MYLK: variants seen among roughly 807,000 people sequenced by gnomAD.
The protein encoded by MYLK is myosin light chain kinase, smooth muscle.
Under a neutral mutation model 203.4 loss-of-function variants are expected in MYLK, and 106 were observed. That is an observed-to-expected ratio of 0.52 (90% confidence interval 0.45 to 0.61). MYLK has a LOEUF of 0.61. MYLK is among the 20% of genes least tolerant of loss of function. The pLI, the probability that MYLK is intolerant of heterozygous loss-of-function variation, is 0.00. For synonymous variants in MYLK, 867 were observed against 959.5 expected (o/e 0.90, Z 1.78); for missense variants, 2,072 against 2,442.3 (o/e 0.85, Z 3.20).
intron 20 of MYLK, among the ~76,000 whole-genome samples, chr3:123,675,266 C>T (rs2060036302): frequency 6.6e-6 from 1 of 152,202 alleles, no homozygotes; most frequent in South Asian, 2.1e-4. Context: ...TGAATCAAAG[C>T]ATTGGATCTG....
chr3:123,618,426 G>A (rs2057638897), intron 33 of MYLK: 1 of 577,772 alleles, frequency 1.7e-6, no homozygotes, highest in Non-Finnish European at 3.1e-6. Flanking sequence ...GTGCCCCCTG[G>A]GGAAGTGACT....
In MYLK at chr3:123,673,170, T is replaced by C. The variant is rs543192035; in HGVS notation, c.3653-5983A>G. On this transcript the variant is annotated intron_variant, in intron 20 of 33. Transcript: ENST00000360304. ...GTTCTTTTTTTCTTTTCTTTTTTTT[T>C]TTTTTTTTTTTGACACAAGGCCTTG... Among the ~76,000 whole-genome samples, 320 of 151,124 alleles carry C rather than the reference T, an allele frequency of 2.1e-3. 1 individual carries two copies. Among genetic ancestry groups the C allele is most frequent in the East Asian group, 5.6e-3 (29 of 5,166 alleles).
chr3:123,732,845 T>C lies in MYLK; in HGVS notation c.1516+51A>G, dbSNP rs2062529354. 3.8e-6 allele frequency: 6 copies of C among 1,567,652 alleles called. No homozygotes were observed. In the South Asian group the frequency reaches 5.6e-5, roughly 15 times the overall value. ...CATCTGCAGAAGGTGAAGCACCCCA[T>C]GAATGGTTGTCCCACAGAGAATGCG... On this transcript the variant is annotated intron_variant, in intron 11 of 33. Coordinates refer to ENST00000360304, the MANE Select transcript of MYLK (RefSeq NM_053025.4).
At position 123,809,974 on chromosome 3, in the gene MYLK, T is replaced by C. The variant is rs192297824; in HGVS notation, c.-3-16130A>G. Among the ~76,000 whole-genome samples, 6 of 152,312 alleles carry C rather than the reference T, an allele frequency of 3.9e-5. No individual in the cohort carries two copies. In the East Asian group the frequency reaches 9.6e-4, roughly 24 times the overall value. ...CCTACTCCACAGCTGGACAAAAGGA[T>C]TGAGAAGATGGGACTCTCCTGACTA... On this transcript the variant is annotated intron_variant, in intron 3 of 33. Coordinates refer to ENST00000360304, the MANE Select transcript of MYLK (RefSeq NM_053025.4).
At chr3:123,632,035 A>AT (rs1285523686) in intron 29 of MYLK, among the ~76,000 whole-genome samples, 4 of 151,260 alleles carry the variant, frequency 2.6e-5, no homozygotes, top group Admixed American at 6.6e-5. Context: ...ACACCCAGCT[A>AT]TTTTTTTTGT....
rs201404523 is a variant in MYLK, at chr3:123,673,164, T to TTC, written c.3653-5978_3653-5977insGA. ...CAGCATGTTCTTTTTTTCTTTTCTTTTTTTTTTTTTTTTTTTTGACACAAG... is the reference window on the plus strand; with the variant it reads ...CAGCATGTTCTTTTTTTCTTTTCTTTTCTTTTTTTTTTTTTTTTTGACACAAG... On this transcript the variant is annotated intron_variant, in intron 20 of 33. Transcript: ENST00000360304. 2.6e-3 allele frequency among the ~76,000 whole-genome samples: 345 copies of TTC among 134,342 alleles called. 1 individual carries two copies. Among genetic ancestry groups the TTC allele is most frequent in the Non-Finnish European group, 4.0e-3 (248 of 62,728 alleles). 88.1% of individuals were successfully genotyped at this position (134,342 alleles called of 152,430 possible).
chr3:123,734,255 T>TGGGGGGGGG, intron 9 of MYLK, 33 bp from the exon 10 acceptor site: 1 of 911,244 alleles, frequency 1.1e-6, no homozygotes, highest in Non-Finnish European at 1.6e-6. Flanking sequence ...GTAGGGTGGG[T>TGGGGGGGGG]GAGGAGAGGG....
intron 4 of MYLK, among the ~76,000 whole-genome samples, chr3:123,788,858 C>T (rs1349296377): frequency 6.6e-6 from 1 of 152,134 alleles, no homozygotes; most frequent in East Asian, 1.9e-4. Context: ...TGAGCCGAAA[C>T]CTCATTTGGG....
At position 123,772,742 on chromosome 3, in the gene MYLK, G is replaced by A. The variant is rs2063924896; in HGVS notation, c.166-20204C>T. ...AGGACATGAACAAGAAGTTTCTGAA[G>A]TAGCCAAACATATAAAAATGTTTAA... On this transcript the variant is annotated intron_variant, in intron 4 of 33. Coordinates refer to ENST00000360304, the MANE Select transcript of MYLK (RefSeq NM_053025.4). Among the ~76,000 whole-genome samples the A allele has an allele frequency of 2.0e-5, 3 of 152,128 alleles. No individual in the cohort carries two copies. In the South Asian group the frequency reaches 6.2e-4, roughly 32 times the overall value.
chr3:123,857,188 C>T (rs1255738540), intron 2 of MYLK, among the ~76,000 whole-genome samples: 3 of 152,108 alleles, frequency 2.0e-5, no homozygotes, highest in South Asian at 2.1e-4. Context: ...AACACTTTTA[C>T]GCTGTTGGTG....
intron 4 of MYLK, among the ~76,000 whole-genome samples, chr3:123,764,998 T>A (rs903736463): frequency 6.6e-6 from 1 of 152,206 alleles, no homozygotes; most frequent in African/African-American, 2.4e-5. Context: ...CATAGGTTTA[T>A]AAGTTTTCAT....
chr3:123,812,834 T>A (rs1234824137), intron 3 of MYLK, among the ~76,000 whole-genome samples: 1 of 152,178 alleles, frequency 6.6e-6, no homozygotes, highest in Non-Finnish European at 1.5e-5. Flanking sequence ...TACCTCCTGT[T>A]TCGCAGTGCT....
At chr3:123,849,001 G>T (rs1221480693) in intron 2 of MYLK, among the ~76,000 whole-genome samples, 1 of 152,068 alleles carries the variant, frequency 6.6e-6, no homozygotes, top group Non-Finnish European at 1.5e-5. Flanking sequence ...GGGCAGATGG[G>T]GTCTCGCTCT....
chr3:123,672,839 T>C (rs1213405609), intron 20 of MYLK, among the ~76,000 whole-genome samples: 1 of 152,226 alleles, frequency 6.6e-6, no homozygotes, highest in Admixed American at 6.5e-5. Context: ...TCTGCTGAAA[T>C]CCACTAATTG....
At chr3:123,830,389 T>TA (rs1261013538) in intron 3 of MYLK, among the ~76,000 whole-genome samples, 2 of 152,188 alleles carry the variant, frequency 1.3e-5, no homozygotes, top group Admixed American at 6.5e-5. Flanking sequence ...TAGTCACTTT[T>TA]AAAAAAATTC....
intron 27 of MYLK, among the ~76,000 whole-genome samples, chr3:123,645,738 A>C (rs1272384714): frequency 6.6e-6 from 1 of 152,244 alleles, no homozygotes; most frequent in African/African-American, 2.4e-5. Context: ...TATCAAAAGA[A>C]GGCTGCTTAA....
chr3:123,799,875 A>G (rs1560233941), intron 3 of MYLK: 1 of 152,368 alleles, frequency 6.6e-6, no homozygotes, highest in Non-Finnish European at 1.5e-5. Context: ...ATGAGTCAGG[A>G]TGCGAGGCAG....
At chr3:123,685,812 C>T (rs1180299902) in intron 19 of MYLK, among the ~76,000 whole-genome samples, 2 of 152,236 alleles carry the variant, frequency 1.3e-5, no homozygotes, top group East Asian at 3.9e-4. Flanking sequence ...CAGTACACTA[C>T]CCTGTAATGT....
chr3:123,738,550 C>T (rs1296609027), intron 7 of MYLK, among the ~76,000 whole-genome samples: 1 of 152,186 alleles, frequency 6.6e-6, no homozygotes, highest in Non-Finnish European at 1.5e-5. Context: ...TGAAATGTAG[C>T]TCCCATAATT....
Sources: allele counts gnomAD v4.1 joint callset (sites outside exome capture counted in the v4.1 genomes callset), GRCh38; gene constraint gnomAD v4.1.1; transcripts MANE v1.5; gene names NCBI Gene and HGNC (gene_info 2026-07-23, HGNC 2026-07-21).